Variants in PDIA3 observed in about 807,000 individuals in gnomAD.
PDIA3 encodes protein disulfide isomerase family A member 3, also known as protein disulfide-isomerase A3.
A neutral mutation model predicts 56.9 loss-of-function variants in PDIA3; 16 were observed. The ratio of observed to expected loss-of-function variants is 0.28; its 90% CI spans 0.19 to 0.43. The LOEUF (loss-of-function observed/expected upper bound fraction) is 0.43. PDIA3 is among the 20% of genes least tolerant of loss of function. The pLI, the probability that PDIA3 is intolerant of heterozygous loss-of-function variation, is 1.00. For missense variants in PDIA3, 485 were observed against 621.3 expected, an observed-to-expected ratio of 0.78 and a Z score of 2.33; for synonymous variants, 192 against 216.5, an observed-to-expected ratio of 0.89 and a Z score of 0.99.
In PDIA3 at chr15:43,760,530, C is replaced by CT. The variant is rs199578385; in HGVS notation, c.365-878dup. ...AACAATGTTTCTGTTAAAAAAAAAACTTTTTTTTTTTTTTTTGAGACAGAG... is the reference window on the plus strand; with the variant it reads ...AACAATGTTTCTGTTAAAAAAAAAACTTTTTTTTTTTTTTTTTGAGACAGAG... On this transcript the variant is annotated intron_variant, in intron 3 of 12. Transcript: ENST00000300289. Among the ~76,000 whole-genome samples the CT allele has an allele frequency of 3.3e-3, 383 of 116,724 alleles. 1 individual carries two copies. Among genetic ancestry groups the CT allele is most frequent in the African/African-American group, 7.9e-3 (264 of 33,422 alleles). The allele number at this position is 116,724 out of a possible 152,430, so 76.6% of individuals were successfully genotyped here.
At position 43,756,709 on chromosome 15, in the gene PDIA3, C is replaced by T. The variant is rs2086780540; in HGVS notation, c.307C>T (p.Leu103=). The T allele has an allele frequency of 6.2e-7, 1 of 1,610,776 alleles. No homozygotes were observed. The highest frequency in any genetic ancestry group is 8.5e-7 in the Non-Finnish European group (1 of 1,178,850). The change falls in exon 3 of 13, where the codon CTG becomes TTG. Residue 103 remains leucine (L), a synonymous_variant. Transcript: ENST00000300289. ...NKYGVSGYPT[L]KIFRDGEEAG... is the part of the protein sequence containing the mutation. ...ATATGGAGTCAGTGGATATCCAACC[C>T]TGAAGATATTTAGAGATGGTGAAGA...
At chr15:43,764,812 T>C (rs1040111668) in intron 5 of PDIA3, among the ~76,000 whole-genome samples, 12 of 152,148 alleles carry the variant, frequency 7.9e-5, no homozygotes, top group Non-Finnish European at 2.9e-5. Context: ...AACCCCCTTT[T>C]GAGATAATGA....
chr15:43,750,095 GTCTC>G, intron 1 of PDIA3, among the ~76,000 whole-genome samples: 1 of 93,722 alleles, frequency 1.1e-5, no homozygotes, highest in African/African-American at 3.9e-5. Flanking sequence ...TTTTGAGACA[GTCTC>G]TCTCTGTTGC....
At chr15:43,756,917 CTA>C (rs2086781902) in intron 3 of PDIA3, 151 bp downstream of exon 3, 1 of 533,554 alleles carries the variant, frequency 1.9e-6, no homozygotes, top group Non-Finnish European at 3.3e-6. Context: ...AAAGACCTCT[CTA>C]AATGAACAGA....
chr15:43,767,641 G>A (rs966276839), intron 8 of PDIA3, among the ~76,000 whole-genome samples: 1 of 151,288 alleles, frequency 6.6e-6, no homozygotes, highest in African/African-American at 2.4e-5. Context: ...GTGACGGTGC[G>A]CACCTGTAAT....
chr15:43,753,931 G>T (rs1159817202), intron 2 of PDIA3, 29 bp downstream of exon 2: 8 of 1,454,952 alleles, frequency 5.5e-6, no homozygotes, highest in Non-Finnish European at 7.7e-6. Flanking sequence ...TTCACTAAAG[G>T]ACGTGAAGTA....
At chr15:43,758,474 T>C (rs558963865) in intron 3 of PDIA3, among the ~76,000 whole-genome samples, 1 of 148,780 alleles carries the variant, frequency 6.7e-6, no homozygotes, top group African/African-American at 2.5e-5. Context: ...GCCAGGACAA[T>C]GTGGTGAAAC....
At chr15:43,748,534 A>T (rs1376358829) in intron 1 of PDIA3, among the ~76,000 whole-genome samples, 1 of 152,098 alleles carries the variant, frequency 6.6e-6, no homozygotes, top group African/African-American at 2.4e-5. Context: ...CCTACTTTAA[A>T]TTGTTACACG....
Position 43,756,552 on chromosome 15 carries a change from C to T in PDIA3, c.247-97C>T, listed in dbSNP as rs1272968271. On this transcript the variant is annotated intron_variant, in intron 2 of 12. Transcript: ENST00000300289. ...CATATATGCCAAGAATTCCTTGATCCCCTTAGGATTTGACCAATCCTAGTA... is the reference window on the plus strand; with the variant it reads ...CATATATGCCAAGAATTCCTTGATCTCCTTAGGATTTGACCAATCCTAGTA... 19 of 734,292 alleles carry T rather than the reference C, an allele frequency of 2.6e-5. No homozygotes were observed. The South Asian group carries it at 3.1e-4, about 12-fold the overall frequency. 45.5% of individuals were successfully genotyped at this position (734,292 alleles called of 1,614,324 possible).
intron 7 of PDIA3, among the ~76,000 whole-genome samples, 171 bp downstream of exon 7, chr15:43,766,183 G>C (rs1427925620): frequency 6.6e-6 from 1 of 151,604 alleles, no homozygotes; most frequent in African/African-American, 2.4e-5. Flanking sequence ...ACCATGTGTG[G>C]TATAAAAGCA....
intron 10 of PDIA3, 113 bp downstream of exon 10, chr15:43,769,759 C>A: frequency 8.7e-7 from 1 of 1,144,690 alleles, no homozygotes; most frequent in Non-Finnish European, 1.3e-6. Context: ...ATTTTTTTCC[C>A]AATTACTTGC....
At position 43,772,085 on chromosome 15, in the gene PDIA3, A is replaced by G. The variant is rs944465570; in HGVS notation, c.*867A>G. On this transcript the variant is annotated 3_prime_UTR_variant, in exon 13 of 13. Transcript: ENST00000300289. ...CCTAAAGCCTAGGGTGTGGCCCTTTAACTTCCCCTTCAGTAGAACTGGGAA... is the reference window on the plus strand; with the variant it reads ...CCTAAAGCCTAGGGTGTGGCCCTTTGACTTCCCCTTCAGTAGAACTGGGAA... 1.9e-5 allele frequency: 3 copies of G among 154,476 alleles called. No individual in the cohort carries two copies. Among genetic ancestry groups the G allele is most frequent in the Non-Finnish European group, 2.9e-5 (2 of 69,672 alleles). 9.6% of individuals were successfully genotyped at this position (154,476 alleles called of 1,614,324 possible). A position where few individuals can be genotyped will look rare whatever the true frequency, so the allele number is the denominator to read the frequency against.
intron 1 of PDIA3, chr15:43,752,774 T>TAATA: frequency 2.1e-6 from 1 of 471,030 alleles, no homozygotes; most frequent in Non-Finnish European, 4.4e-6. Flanking sequence ...TTCTCTATTA[T>TAATA]ATTTCTATTT....
In PDIA3 at chr15:43,772,981, A is replaced by G; in HGVS notation, c.*1763A>G. 1 of 804,372 alleles carries G rather than the reference A, an allele frequency of 1.2e-6. No homozygotes were observed. The highest frequency in any genetic ancestry group is 2.0e-6 in the Non-Finnish European group (1 of 503,502). The allele number at this position is 804,372 out of a possible 1,614,324, so 49.8% of individuals were successfully genotyped here. A position where few individuals can be genotyped will look rare whatever the true frequency, so the allele number is the denominator to read the frequency against. ...TGAAAACCAAACCTCAAGAACCTAG[A>G]GCAGCTCTCTACTTGCCACCATGGA... On this transcript the variant is annotated 3_prime_UTR_variant, in exon 13 of 13. Transcript: ENST00000300289.
chr15:43,756,742 G>A lies in PDIA3; in HGVS notation c.340G>A (p.Ala114Thr), dbSNP rs769610131. ...ATTTAGAGATGGTGAAGAAGCAGGT[G>A]CTTATGATGGACCTAGGACTGCTGG... ...KIFRDGEEAG[A>T]YDGPRTADGI... is the part of the protein sequence containing the mutation. The change falls in exon 3 of 13, where the codon GCT becomes ACT. Residue 114 changes from alanine to threonine, a missense_variant. Transcript: ENST00000300289. The A allele has an allele frequency of 1.3e-6, 2 of 1,595,710 alleles. No homozygotes were observed. Among genetic ancestry groups the A allele is most frequent in the East Asian group, 4.5e-5 (2 of 44,780 alleles).
At chr15:43,769,884 C>G (rs959631751) in intron 10 of PDIA3, among the ~76,000 whole-genome samples, 34 of 152,180 alleles carry the variant, frequency 2.2e-4, no homozygotes, top group Non-Finnish European at 1.3e-4. Flanking sequence ...TTAAAAATAT[C>G]TAAGGACTTC....
intron 4 of PDIA3, among the ~76,000 whole-genome samples, chr15:43,762,586 T>A (rs1173611595): frequency 1.3e-5 from 2 of 152,206 alleles, no homozygotes; most frequent in African/African-American, 4.8e-5. Context: ...AAAGCCACTT[T>A]TTATCATCTA....
In PDIA3 at chr15:43,746,456, AG is replaced by A. The variant is rs2086705151; in HGVS notation, c.-83del. The A allele has an allele frequency of 7.7e-7, 1 of 1,302,360 alleles. No individual in the cohort carries two copies. Among genetic ancestry groups the A allele is most frequent in the South Asian group, 1.6e-5 (1 of 62,578 alleles). 80.7% of individuals were successfully genotyped at this position (1,302,360 alleles called of 1,614,324 possible). Reference sequence around the variant, plus strand: ...CTGGGCCAGACGCGCGAGCGCAAGCAGCGGGTTAGTGGTCGCGCGCCCGACC... The same window carrying A: ...CTGGGCCAGACGCGCGAGCGCAAGCACGGGTTAGTGGTCGCGCGCCCGACC... On this transcript the variant is annotated 5_prime_UTR_variant, in exon 1 of 13. Coordinates refer to ENST00000300289, the MANE Select transcript of PDIA3 (RefSeq NM_005313.5).
chr15:43,758,450 G>T (rs1204895343), intron 3 of PDIA3, among the ~76,000 whole-genome samples: 1 of 151,982 alleles, frequency 6.6e-6, no homozygotes, highest in Non-Finnish European at 1.5e-5. Flanking sequence ...TTTGAGATCA[G>T]GAGTTTGAGG....
Sources: allele counts gnomAD v4.1 joint callset (sites outside exome capture counted in the v4.1 genomes callset), GRCh38; gene constraint gnomAD v4.1.1; transcripts MANE v1.5; gene names NCBI Gene and HGNC (gene_info 2026-07-23, HGNC 2026-07-21).